The following LOC128706665 variants were observed in gnomAD, a reference collection of about 807,000 sequenced individuals.
chr20:10,432,286 C>T, the LOC128706665 span, among the ~76,000 whole-genome samples: 1 of 152,238 alleles, frequency 6.6e-6, no homozygotes, highest in South Asian at 2.1e-4. Context: ...AATCCTGCTT[C>T]CTTTCTTCCT....
the LOC128706665 span, among the ~76,000 whole-genome samples, chr20:10,418,914 A>G: frequency 5.3e-5 from 8 of 152,132 alleles, no homozygotes; most frequent in African/African-American, 1.9e-4. Flanking sequence ...TCCTATAAAT[A>G]CAAATTTTAT....
the LOC128706665 span, among the ~76,000 whole-genome samples, chr20:10,422,669 G>A: frequency 6.6e-6 from 1 of 151,830 alleles, no homozygotes; most frequent in Non-Finnish European, 1.5e-5. Context: ...AGGTGACTTT[G>A]GCACCTCTAT....
chr20:10,422,184 C>A, the LOC128706665 span, among the ~76,000 whole-genome samples: 1 of 152,100 alleles, frequency 6.6e-6, no homozygotes, highest in African/African-American at 2.4e-5. Context: ...TAAATCATTT[C>A]TCCCAAAGGT....
the LOC128706665 span, among the ~76,000 whole-genome samples, chr20:10,425,578 A>G: frequency 6.6e-6 from 1 of 152,256 alleles, no homozygotes; most frequent in Non-Finnish European, 1.5e-5. Flanking sequence ...AGCTATTTAC[A>G]GTTTGCCTTG....
the LOC128706665 span, among the ~76,000 whole-genome samples, chr20:10,421,330 A>G: frequency 2.0e-5 from 3 of 151,606 alleles, no homozygotes; most frequent in Non-Finnish European, 4.4e-5. Context: ...AGGCTGAGTC[A>G]GGAGACTTGC....
the LOC128706665 span, among the ~76,000 whole-genome samples, chr20:10,430,350 C>T: frequency 2.6e-5 from 4 of 152,206 alleles, no homozygotes; most frequent in African/African-American, 9.7e-5. Flanking sequence ...GCTTCAGTTC[C>T]ATTGTGTGTA....
At chr20:10,417,137 G>A in the LOC128706665 span, among the ~76,000 whole-genome samples, 1 of 151,652 alleles carries the variant, frequency 6.6e-6, no homozygotes, top group South Asian at 2.1e-4. Context: ...TGTAATCCCA[G>A]TTACTCGGGA....
chr20:10,419,396 A>C, the LOC128706665 span, among the ~76,000 whole-genome samples: 1 of 152,194 alleles, frequency 6.6e-6, no homozygotes, highest in Non-Finnish European at 1.5e-5. Context: ...ATAACGCTAT[A>C]TTATAGTAAA....
the LOC128706665 span, among the ~76,000 whole-genome samples, chr20:10,429,255 G>A: frequency 6.6e-6 from 1 of 152,112 alleles, no homozygotes; most frequent in Non-Finnish European, 1.5e-5. Context: ...GTAGCCTTTT[G>A]ATGTGTTCTT....
At chr20:10,428,691 T>C in the LOC128706665 span, among the ~76,000 whole-genome samples, 1 of 151,980 alleles carries the variant, frequency 6.6e-6, no homozygotes. Flanking sequence ...ATATGAAAAA[T>C]TAGCTGGATG....
At chr20:10,432,273 C>T in the LOC128706665 span, among the ~76,000 whole-genome samples, 4 of 152,326 alleles carry the variant, frequency 2.6e-5, no homozygotes, top group Admixed American at 1.3e-4. Context: ...TTTTCTATTG[C>T]CCAATCCTGC....
At chr20:10,428,370 T>C in the LOC128706665 span, among the ~76,000 whole-genome samples, 75 of 152,346 alleles carry the variant, frequency 4.9e-4, no homozygotes, top group African/African-American at 1.6e-3. Context: ...TTTATGTTCC[T>C]GGTATGTTCT....
the LOC128706665 span, among the ~76,000 whole-genome samples, chr20:10,416,648 A>C: frequency 1.4e-3 from 218 of 152,350 alleles, 1 homozygote; most frequent in African/African-American, 4.8e-3. Context: ...TTCCTTGTAT[A>C]AATGCATTTT....
chr20:10,417,763 C>G, the LOC128706665 span, among the ~76,000 whole-genome samples: 2 of 151,720 alleles, frequency 1.3e-5, no homozygotes, highest in African/African-American at 4.8e-5. Flanking sequence ...CAGTACCATC[C>G]ATGAAGTATT....
chr20:10,415,334 T>G, the LOC128706665 span, among the ~76,000 whole-genome samples: 1 of 152,308 alleles, frequency 6.6e-6, no homozygotes, highest in East Asian at 1.9e-4. Flanking sequence ...TACAGCATAG[T>G]ATGGTGATCA....
At chr20:10,421,416 C>CAA in the LOC128706665 span, among the ~76,000 whole-genome samples, 9 of 86,098 alleles carry the variant, frequency 1.0e-4, no homozygotes, top group Non-Finnish European at 1.9e-4. Flanking sequence ...GACTCCATCA[C>CAA]AAAAAAAAAA....
the LOC128706665 span, chr20:10,420,593 T>C: frequency 1.3e-5 from 2 of 152,246 alleles, no homozygotes; most frequent in African/African-American, 4.8e-5. Context: ...AGTCCCAGAC[T>C]ATCTTGCTCA....
the LOC128706665 span, among the ~76,000 whole-genome samples, chr20:10,427,081 A>ACACACACACACACACACACACACACAC: frequency 1.2e-5 from 1 of 85,698 alleles, no homozygotes; most frequent in Non-Finnish European, 2.4e-5. Flanking sequence ...CACACACACA[A>ACACACACACACACACACACACACACAC]AGTAAGGTTA....
the LOC128706665 span, among the ~76,000 whole-genome samples, chr20:10,430,623 G>A: frequency 6.6e-6 from 1 of 152,200 alleles, no homozygotes; most frequent in Admixed American, 6.5e-5. Context: ...AAAATACCCA[G>A]TCTCAACAGA....
Sources: gnomAD v4.1 joint callset for allele counts (sites outside exome capture counted in the v4.1 genomes callset) on GRCh38, gnomAD v4.1.1 for gene constraint, MANE v1.5 for transcripts.